The following CXCL13 variants were observed in gnomAD, a reference collection of about 807,000 sequenced individuals.
The protein encoded by CXCL13 is C-X-C motif chemokine ligand 13.
In CXCL13, 7 loss-of-function variants were observed where a neutral mutation model predicts 12.2. The ratio of observed to expected loss-of-function variants is 0.57; its 90% CI spans 0.33 to 1.07. The LOEUF (loss-of-function observed/expected upper bound fraction) is 1.07, where lower values mean the gene tolerates loss of function less well. CXCL13 is among the 50% of genes least tolerant of loss of function. The pLI is 0.04. For synonymous variants in CXCL13, 47 were observed against 42.4 expected (o/e 1.11, Z -0.42); for missense variants, 113 against 127.4 (o/e 0.89, Z 0.55).
intron 1 of CXCL13, among the ~76,000 whole-genome samples, chr4:77,578,542 C>T (rs367607281): frequency 6.6e-5 from 10 of 152,264 alleles, no homozygotes; most frequent in Admixed American, 1.3e-4. Flanking sequence ...GGTGGAGCCA[C>T]GAGAATTTCA....
intron 1 of CXCL13, among the ~76,000 whole-genome samples, chr4:77,574,848 G>C (rs1726168459): frequency 6.6e-6 from 1 of 151,900 alleles, no homozygotes; most frequent in Non-Finnish European, 1.5e-5. Context: ...TTTTTAAAGG[G>C]AAGATAAAAG....
chr4:77,565,554 C>T (rs536671128), intron 1 of CXCL13, among the ~76,000 whole-genome samples: 71 of 152,268 alleles, frequency 4.7e-4, no homozygotes, highest in African/African-American at 1.6e-3. Flanking sequence ...TCAATTCAGA[C>T]GCCTTTACAA....
intron 1 of CXCL13, among the ~76,000 whole-genome samples, chr4:77,588,621 T>A (rs1178310943): frequency 6.6e-6 from 1 of 152,252 alleles, no homozygotes; most frequent in African/African-American, 2.4e-5. Flanking sequence ...TCTCCACAAC[T>A]ACCTACCTAG....
At chr4:77,534,686 A>C (rs1725016141) in intron 1 of CXCL13, among the ~76,000 whole-genome samples, 1 of 152,242 alleles carries the variant, frequency 6.6e-6, no homozygotes, top group South Asian at 2.1e-4. Flanking sequence ...TGTTGGGATC[A>C]ATTTCAAACA....
chr4:77,527,715 AG>A (rs1724802847), intron 1 of CXCL13, among the ~76,000 whole-genome samples: 1 of 151,848 alleles, frequency 6.6e-6, no homozygotes, highest in Non-Finnish European at 1.5e-5. Flanking sequence ...AGATAACTCC[AG>A]CTCCCAGATT....
intron 1 of CXCL13, among the ~76,000 whole-genome samples, chr4:77,559,860 T>C (rs1023871604): frequency 6.9e-6 from 1 of 145,060 alleles, no homozygotes; most frequent in Admixed American, 7.0e-5. Flanking sequence ...ACACGGAGCT[T>C]GCAGTGAGCA....
intron 1 of CXCL13, among the ~76,000 whole-genome samples, chr4:77,558,287 A>G (rs1725712244): frequency 6.6e-6 from 1 of 152,224 alleles, no homozygotes; most frequent in Admixed American, 6.5e-5. Flanking sequence ...TTATCTTGAA[A>G]AGGAAAAGCT....
chr4:77,594,035 C>T (rs1726684510), intron 1 of CXCL13, among the ~76,000 whole-genome samples: 1 of 152,182 alleles, frequency 6.6e-6, no homozygotes, highest in South Asian at 2.1e-4. Flanking sequence ...AAAGCCATGC[C>T]GTAGTAGGCA....
intron 1 of CXCL13, among the ~76,000 whole-genome samples, chr4:77,595,138 T>G (rs1229952665): frequency 1.3e-5 from 2 of 151,352 alleles, no homozygotes; most frequent in Admixed American, 6.6e-5. Flanking sequence ...AAAGTCCCTT[T>G]GCATATCAGG....
chr4:77,528,575 T>A (rs1050411215), intron 1 of CXCL13, among the ~76,000 whole-genome samples: 3 of 152,260 alleles, frequency 2.0e-5, no homozygotes, highest in Non-Finnish European at 4.4e-5. Flanking sequence ...ATAAATGTCT[T>A]CTTTTGAGAA....
intron 1 of CXCL13, among the ~76,000 whole-genome samples, chr4:77,555,184 G>T (rs1434044526): frequency 6.6e-6 from 1 of 151,494 alleles, no homozygotes; most frequent in Non-Finnish European, 1.5e-5. Flanking sequence ...ATTAGACCAA[G>T]AAAAAAAGGA....
intron 1 of CXCL13, among the ~76,000 whole-genome samples, chr4:77,574,107 G>A (rs1259714030): frequency 2.0e-5 from 3 of 151,900 alleles, no homozygotes; most frequent in Admixed American, 1.3e-4. Context: ...AGAGGCGTAT[G>A]GTTAAAAGTC....
chr4:77,526,953 C>T (rs984914810), intron 1 of CXCL13, among the ~76,000 whole-genome samples: 7 of 152,110 alleles, frequency 4.6e-5, no homozygotes, highest in Admixed American at 2.0e-4. Context: ...AGAAGGCAAG[C>T]GGGGCTGGAA....
chr4:77,537,387 C>T (rs910173166), intron 1 of CXCL13, among the ~76,000 whole-genome samples: 1 of 152,188 alleles, frequency 6.6e-6, no homozygotes, highest in Non-Finnish European at 1.5e-5. Flanking sequence ...ACCTACCTCT[C>T]CATCACACCT....
intron 1 of CXCL13, among the ~76,000 whole-genome samples, chr4:77,521,803 A>G (rs1016837916): frequency 2.0e-5 from 3 of 152,026 alleles, no homozygotes; most frequent in African/African-American, 7.2e-5. Context: ...TTGTGATGTT[A>G]GGATGTCAAT....
At chr4:77,561,771 G>A (rs985014825) in intron 1 of CXCL13, among the ~76,000 whole-genome samples, 3 of 152,180 alleles carry the variant, frequency 2.0e-5, no homozygotes, top group Admixed American at 6.5e-5. Flanking sequence ...CCTTGGCCTC[G>A]GTGCACACTC....
upstream of CXCL13, among the ~76,000 whole-genome samples, chr4:77,605,159 A>C (rs527521083): frequency 1.6e-4 from 25 of 152,280 alleles, no homozygotes; most frequent in Non-Finnish European, 3.1e-4. Flanking sequence ...CTCTTCCTCA[A>C]GGCTGTTGTC....
chr4:77,611,569 A>G lies in CXCL13; in HGVS notation c.*530A>G, dbSNP rs114360174. On this transcript the variant is annotated 3_prime_UTR_variant, in exon 4 of 4. Coordinates refer to ENST00000682537, the MANE Select transcript of CXCL13 (RefSeq NM_001371558.1). ...CGGAGGAGAATTAAGTCCTACTTTT[A>G]AAGAATTTCTTTATAAAATTTACTG... 1,470 of 397,816 alleles carry G rather than the reference A, an allele frequency of 3.7e-3. 5 individuals carry two copies. The highest frequency in any genetic ancestry group is 3.9e-3 in the Non-Finnish European group (882 of 225,920). 24.6% of individuals were successfully genotyped at this position (397,816 alleles called of 1,614,324 possible).
intron 2 of CXCL13, among the ~76,000 whole-genome samples, chr4:77,609,260 T>C (rs932294526): frequency 2.0e-5 from 3 of 152,060 alleles, no homozygotes; most frequent in Non-Finnish European, 4.4e-5. Context: ...CTTTATTGTT[T>C]TGGGGTTTTT....
Sources: gnomAD v4.1 joint callset for allele counts (sites outside exome capture counted in the v4.1 genomes callset) on GRCh38, gnomAD v4.1.1 for gene constraint, MANE v1.5 for transcripts, NCBI Gene and HGNC (gene_info 2026-07-23, HGNC 2026-07-21) for gene names.